The following TMEM260 variants were observed in gnomAD, a reference collection of about 807,000 sequenced individuals.
TMEM260 encodes the protein protein O-mannosyl-transferase TMEM260.
A neutral mutation model predicts 88.9 loss-of-function variants in TMEM260; 82 were observed. That is an observed-to-expected ratio of 0.92 (90% CI 0.77 to 1.11). TMEM260 has a LOEUF of 1.11. Among genes scored for constraint, TMEM260 ranks in the 50% least tolerant of loss-of-function variants. The pLI is 0.00. For missense variants in TMEM260, 902 were observed against 853.4 expected, an observed-to-expected ratio of 1.06 and a Z score of -0.71; for synonymous variants, 314 against 309.3, an observed-to-expected ratio of 1.02 and a Z score of -0.16.
the TMEM260 span, among the ~76,000 whole-genome samples, chr14:56,659,214 T>C: frequency 6.6e-6 from 1 of 152,072 alleles, no homozygotes; most frequent in Non-Finnish European, 1.5e-5. Context: ...TTTCTGTAAT[T>C]CTAAAACTAT....
chr14:56,632,886 G>A (rs533059069), intron 12 of TMEM260, 109 bp from the exon 13 acceptor site: 3 of 1,028,010 alleles, frequency 2.9e-6, no homozygotes, highest in Non-Finnish European at 4.2e-6. Flanking sequence ...AATCATATAG[G>A]TAATAACTGT....
intron 1 of TMEM260, 127 bp from the exon 2 acceptor site, chr14:56,584,874 C>G: frequency 1.4e-6 from 1 of 700,806 alleles, no homozygotes; most frequent in Non-Finnish European, 2.5e-6. Context: ...TGTTAAATCT[C>G]TACAGATTTA....
At chr14:56,631,179 A>G (rs191851832) in intron 12 of TMEM260, among the ~76,000 whole-genome samples, 1 of 152,374 alleles carries the variant, frequency 6.6e-6, no homozygotes, top group East Asian at 1.9e-4. Flanking sequence ...CAAGCAGGCG[A>G]CTTGACAGAC....
downstream of TMEM260, among the ~76,000 whole-genome samples, chr14:56,653,736 C>CAAAACAAAAAACAAAA (rs1566588621): frequency 1.5e-5 from 1 of 66,608 alleles, no homozygotes; most frequent in Non-Finnish European, 2.7e-5. Flanking sequence ...CTCTTGTCTC[C>CAAAACAAAAAACAAAA]AAAACAAAAA....
intron 3 of TMEM260, among the ~76,000 whole-genome samples, chr14:56,596,833 G>A (rs1254527093): frequency 1.3e-5 from 2 of 148,204 alleles, no homozygotes; most frequent in African/African-American, 5.0e-5. Context: ...ATGCTGATAG[G>A]TTATCCAATA....
chr14:56,610,790 G>A (rs1438786091), intron 6 of TMEM260, among the ~76,000 whole-genome samples: 5 of 151,946 alleles, frequency 3.3e-5, no homozygotes, highest in Non-Finnish European at 5.9e-5. Flanking sequence ...ATACATAATT[G>A]TGAAATTTTA....
At chr14:56,620,822 C>A (rs939184501) in intron 10 of TMEM260, among the ~76,000 whole-genome samples, 1 of 152,094 alleles carries the variant, frequency 6.6e-6, no homozygotes, top group African/African-American at 2.4e-5. Flanking sequence ...GTTTTGTCAT[C>A]TTTTTCTTTT....
rs1339359330 is a variant in TMEM260, at chr14:56,618,594, G to T, written c.1057G>T (p.Val353Leu). 12 of 1,613,616 alleles carry T rather than the reference G, an allele frequency of 7.4e-6. No individual in the cohort carries two copies. Among genetic ancestry groups the T allele is most frequent in the Admixed American group, 1.7e-5 (1 of 59,914 alleles). Residue 353 changes from valine (V) to leucine (L), a missense_variant and splice_region_variant, in exon 10 of 16, where the codon GTG (valine) becomes TTG (leucine). By Grantham distance (32) the Val-to-Leu change is conservative (BLOSUM62 1). Transcript: ENST00000261556. ...CACTGGTTGCATGTCTCTTTCACAG[G>T]TGGAACGATTCTGGATGCAGAGCAA... is the stretch of plus-strand genomic sequence containing the variant. ...DISKPLFMGV[V>L]ERFWMQSNAV...
downstream of TMEM260, among the ~76,000 whole-genome samples, chr14:56,651,988 G>T (rs925878516): frequency 6.6e-6 from 1 of 152,216 alleles, no homozygotes; most frequent in Admixed American, 6.5e-5. Context: ...GAAGGTACTT[G>T]ATATTTCTCT....
chr14:56,643,670 C>T (rs1261819255), intron 15 of TMEM260, among the ~76,000 whole-genome samples: 1 of 152,094 alleles, frequency 6.6e-6, no homozygotes, highest in African/African-American at 2.4e-5. Flanking sequence ...GGCAGTCAGG[C>T]AGGAGAAGGA....
At chr14:56,656,875 A>G in the TMEM260 span, among the ~76,000 whole-genome samples, 2 of 152,130 alleles carry the variant, frequency 1.3e-5, no homozygotes, top group Admixed American at 6.5e-5. Context: ...ACACATCTCA[A>G]TCTGTGCACA....
At chr14:56,608,287 A>C (rs1465196169) in intron 5 of TMEM260, among the ~76,000 whole-genome samples, 2 of 152,210 alleles carry the variant, frequency 1.3e-5, no homozygotes, top group Non-Finnish European at 2.9e-5. Context: ...GGCAATTTCC[A>C]AATACGATAT....
intron 8 of TMEM260, 58 bp from the exon 9 acceptor site, chr14:56,617,125 T>C (rs1166177692): frequency 6.8e-6 from 7 of 1,022,142 alleles, no homozygotes; most frequent in Admixed American, 2.6e-5. Flanking sequence ...TCCTGTGATA[T>C]TATATTTGAC....
chr14:56,609,671 ACTT>A (rs750596809), intron 6 of TMEM260, among the ~76,000 whole-genome samples: 23 of 152,222 alleles, frequency 1.5e-4, no homozygotes, highest in Non-Finnish European at 3.1e-4. Flanking sequence ...TGACCAAACC[ACTT>A]CTTATTATTA....
At chr14:56,592,376 C>G (rs1014841052) in intron 3 of TMEM260, among the ~76,000 whole-genome samples, 7 of 152,156 alleles carry the variant, frequency 4.6e-5, no homozygotes, top group Admixed American at 1.3e-4. Flanking sequence ...TAATCTACTG[C>G]TCTTTCAGTG....
In TMEM260 at chr14:56,603,977, T is replaced by C. The variant is rs781645338; in HGVS notation, c.507T>C (p.Ala169=). The C allele has an allele frequency of 6.4e-7, 1 of 1,568,978 alleles. No individual in the cohort carries two copies. Among genetic ancestry groups the C allele is most frequent in the Non-Finnish European group, 8.6e-7 (1 of 1,162,778 alleles). Residue 169 remains alanine, a synonymous_variant, in exon 4 of 16, where the codon GCT becomes GCC. Coordinates refer to ENST00000261556, the MANE Select transcript of TMEM260 (RefSeq NM_017799.4). ...LTVHFEEAAT[A]KERSKVAKIG... is the part of the protein sequence containing the mutation. ...TACATTTTGAGGAAGCAGCAACTGC[T>C]AAGGAGAGATCAAAGGTAACCTATT...
Position 56,636,608 on chromosome 14 carries a change from A to G in TMEM260, c.1869+10A>G. The stretch of plus-strand genomic sequence containing the variant: ...CGCTCAAGCATATGACGTATGTTAC[A>G]CTTTTATATGTAGATATAGATATAT... On this transcript the variant is annotated intron_variant, in intron 15 of 15. Coordinates refer to ENST00000261556, the MANE Select transcript of TMEM260 (RefSeq NM_017799.4). 1.2e-6 allele frequency: 2 copies of G among 1,609,662 alleles called. No homozygotes were observed. Among genetic ancestry groups the G allele is most frequent in the Non-Finnish European group, 1.7e-6 (2 of 1,176,006 alleles).
chr14:56,625,520 GTAAA>G lies in TMEM260; in HGVS notation c.1542_1545del (p.Gln516LysfsTer7). 6.3e-7 allele frequency: 1 copy of G among 1,591,878 alleles called. No individual in the cohort carries two copies. Among genetic ancestry groups the G allele is most frequent in the South Asian group, 1.1e-5 (1 of 87,720 alleles). ...ATTTAATCTTTATCATTTTCTTGAAGTAAATAAACAGTAAGCATTCTTTTTATAT... is the reference window on the plus strand; with the variant it reads ...ATTTAATCTTTATCATTTTCTTGAAGTAAACAGTAAGCATTCTTTTTATAT... On this transcript the variant is annotated frameshift_variant, in exon 12 of 16. Transcript: ENST00000261556. LOFTEE classifies it high-confidence loss of function.
intron 12 of TMEM260, among the ~76,000 whole-genome samples, chr14:56,630,321 A>G (rs1417343544): frequency 6.6e-6 from 1 of 152,142 alleles, no homozygotes; most frequent in Non-Finnish European, 1.5e-5. Flanking sequence ...TTCATACATT[A>G]TGTCTTTAAA....
Sources: allele counts gnomAD v4.1 joint callset (sites outside exome capture counted in the v4.1 genomes callset), GRCh38; gene constraint gnomAD v4.1.1; transcripts MANE v1.5; gene names NCBI Gene and HGNC (gene_info 2026-07-23, HGNC 2026-07-21).